The following ATG10 variants were observed in gnomAD, a reference collection of about 807,000 sequenced individuals.
ATG10 encodes the protein autophagy related 10, also known as ubiquitin-like-conjugating enzyme ATG10.
ATG10 carries 30 observed loss-of-function variants against 32.1 expected under a neutral mutation model. The observed-to-expected ratio is 0.94, with a 90% CI of 0.70 to 1.27. The LOEUF is 1.27. Ranked by LOEUF, ATG10 falls within the 50% of genes most tolerant of loss-of-function variation. The probability of loss-of-function intolerance (pLI) is 0.00; values close to 1 mark genes in which losing one functional copy is unlikely to be tolerated. For missense variants in ATG10, 233 were observed against 262.3 expected (o/e 0.89, Z 0.77); for synonymous variants, 87 against 91.5 (o/e 0.95, Z 0.28).
chr5:82,076,828 C>G (rs891634696), intron 3 of ATG10, among the ~76,000 whole-genome samples: 2 of 151,980 alleles, frequency 1.3e-5, no homozygotes, highest in African/African-American at 4.8e-5. Flanking sequence ...GGTCCTTTTT[C>G]CTTATAAATA....
At chr5:82,128,764 G>A (rs369616322) in intron 3 of ATG10, among the ~76,000 whole-genome samples, 18 of 147,616 alleles carry the variant, frequency 1.2e-4, no homozygotes, top group Non-Finnish European at 6.0e-5. Flanking sequence ...TGGGTAACCC[G>A]ACCTTTCTCT....
At chr5:81,987,763 A>G in intron 2 of ATG10, 85 bp downstream of exon 2, 1 of 945,212 alleles carries the variant, frequency 1.1e-6, no homozygotes, top group Non-Finnish European at 1.6e-6. Flanking sequence ...TAAAACCTCC[A>G]TAATTGAAAT....
At position 81,986,991 on chromosome 5, in the gene ATG10, C is replaced by T. The variant is rs142591168; in HGVS notation, c.-12-568C>T. Among the ~76,000 whole-genome samples, 533 of 151,978 alleles carry T rather than the reference C, an allele frequency of 3.5e-3. 1 individual carries two copies. The highest frequency in any genetic ancestry group is 7.0e-3 in the East Asian group (36 of 5,176). On this transcript the variant is annotated intron_variant, in intron 1 of 7. Transcript: ENST00000282185. ...CTGGAAGATGAAGATTGCAGTGAGC[C>T]GGGATCATGCCATTGCACTCCAGCC...
chr5:81,976,035 C>G (rs1760864328), intron 1 of ATG10, among the ~76,000 whole-genome samples: 1 of 149,514 alleles, frequency 6.7e-6, no homozygotes, highest in Non-Finnish European at 1.5e-5. Flanking sequence ...GAGTCTCACT[C>G]TGTCGCCCAG....
intron 2 of ATG10, chr5:81,991,906 A>G (rs1761475016): frequency 6.6e-6 from 1 of 152,108 alleles, no homozygotes; most frequent in South Asian, 2.1e-4. Context: ...AGGTCACTGT[A>G]GCCTCAACCA....
At chr5:82,046,411 C>T (rs900334186) in intron 2 of ATG10, among the ~76,000 whole-genome samples, 2 of 152,132 alleles carry the variant, frequency 1.3e-5, no homozygotes, top group African/African-American at 2.4e-5. Context: ...TGTGTAAAGA[C>T]AGAAGCAGAG....
intron 3 of ATG10, among the ~76,000 whole-genome samples, chr5:82,084,960 G>T (rs1764618293): frequency 6.6e-6 from 1 of 152,088 alleles, no homozygotes; most frequent in Non-Finnish European, 1.5e-5. Flanking sequence ...CATAATGACA[G>T]GATCAAATTC....
Position 82,044,199 on chromosome 5 carries a change from A to T in ATG10, c.109-14296A>T, listed in dbSNP as rs146741240. Among the ~76,000 whole-genome samples the T allele has an allele frequency of 4.4e-3, 663 of 152,202 alleles. 4 individuals carry two copies. Among genetic ancestry groups the T allele is most frequent in the African/African-American group, 0.015 (622 of 41,530 alleles). ...GGGAAGGTGAAAGGGAAGCAGGCAC[A>T]TCTTCACAATGACAGAGCAGGAGAG... On this transcript the variant is annotated intron_variant, in intron 2 of 7. Coordinates refer to ENST00000282185, the MANE Select transcript of ATG10 (RefSeq NM_031482.5).
rs324908 is a variant in ATG10, at chr5:82,118,327, T to C, written c.217-46072T>C. On this transcript the variant is annotated intron_variant, in intron 3 of 7. Coordinates refer to ENST00000282185, the MANE Select transcript of ATG10 (RefSeq NM_031482.5). ...GTGTGTGTGTGTGTGTATATATATA[T>C]ACACACAAATATACATATAATATAT... is the stretch of plus-strand genomic sequence containing the variant. Among the ~76,000 whole-genome samples the C allele has an allele frequency of 9.2e-5, 13 of 141,330 alleles. No homozygotes were observed. In the East Asian group the frequency reaches 1.4e-3, roughly 15 times the overall value. 92.7% of individuals were successfully genotyped at this position (141,330 alleles called of 152,430 possible). A position where few individuals can be genotyped will look rare whatever the true frequency, so the allele number is the denominator to read the frequency against.
At chr5:81,972,621 C>G (rs1760756104) in intron 1 of ATG10, 1 of 152,206 alleles carries the variant, frequency 6.6e-6, no homozygotes. Context: ...TGTTTAAAAT[C>G]CACATACTGA....
At chr5:82,050,553 T>A (rs1763378096) in intron 2 of ATG10, among the ~76,000 whole-genome samples, 1 of 152,082 alleles carries the variant, frequency 6.6e-6, no homozygotes, top group Non-Finnish European at 1.5e-5. Context: ...TAAAAGTATA[T>A]AATGAGTCTG....
chr5:82,138,398 C>T (rs952547936), intron 3 of ATG10, among the ~76,000 whole-genome samples: 3 of 152,192 alleles, frequency 2.0e-5, no homozygotes, highest in East Asian at 1.9e-4. Context: ...GTTATAAAGA[C>T]GGTGGGAAGA....
At chr5:82,094,081 GCT>G (rs1764976568) in intron 3 of ATG10, among the ~76,000 whole-genome samples, 1 of 152,098 alleles carries the variant, frequency 6.6e-6, no homozygotes, top group South Asian at 2.1e-4. Context: ...TTTCTATGCT[GCT>G]CTCTCCAGTT....
chr5:81,989,490 A>T (rs1761390789), intron 2 of ATG10, among the ~76,000 whole-genome samples: 1 of 152,178 alleles, frequency 6.6e-6, no homozygotes, highest in Non-Finnish European at 1.5e-5. Context: ...GTGATTAGAC[A>T]GTTGATCAGC....
intron 1 of ATG10, among the ~76,000 whole-genome samples, chr5:81,982,712 C>A (rs1490584396): frequency 6.6e-6 from 1 of 152,122 alleles, no homozygotes; most frequent in Admixed American, 6.5e-5. Flanking sequence ...ACCCTGCGGC[C>A]TTCCGCAGTG....
At chr5:82,101,858 A>G (rs775293206) in intron 3 of ATG10, among the ~76,000 whole-genome samples, 2 of 152,220 alleles carry the variant, frequency 1.3e-5, no homozygotes, top group Non-Finnish European at 2.9e-5. Context: ...AACTATTCTT[A>G]TAAGAGGTTT....
rs943528146 is a variant in ATG10, at chr5:81,984,065, C to A, written c.-12-3494C>A. ...GCTGCAATCTCGGCACTTTGGGAGG[C>A]CAAGGCAGGCGGCTGGGAGGTGGAG... On this transcript the variant is annotated intron_variant, in intron 1 of 7. Coordinates refer to ENST00000282185, the MANE Select transcript of ATG10 (RefSeq NM_031482.5). 9.2e-5 allele frequency among the ~76,000 whole-genome samples: 14 copies of A among 152,340 alleles called. No individual in the cohort carries two copies. In the South Asian group the frequency reaches 1.0e-3, roughly 11 times the overall value.
chr5:82,084,973 A>G (rs556198654), intron 3 of ATG10, among the ~76,000 whole-genome samples: 1 of 152,334 alleles, frequency 6.6e-6, no homozygotes, highest in African/African-American at 2.4e-5. Context: ...TCAAATTCAC[A>G]CAGAACAATA....
intron 2 of ATG10, among the ~76,000 whole-genome samples, chr5:82,020,190 G>T (rs1203018878): frequency 6.6e-6 from 1 of 152,210 alleles, no homozygotes; most frequent in African/African-American, 2.4e-5. Context: ...TAAGCCATGG[G>T]CTCCTAGAAG....
Sources: gnomAD v4.1 joint callset for allele counts (sites outside exome capture counted in the v4.1 genomes callset) on GRCh38, gnomAD v4.1.1 for gene constraint, MANE v1.5 for transcripts, NCBI Gene and HGNC (gene_info 2026-07-23, HGNC 2026-07-21) for gene names.